TGIF1: variants seen among roughly 807,000 people sequenced by gnomAD.
TGIF1 encodes the protein homeobox protein TGIF1.
A neutral mutation model predicts 19.3 loss-of-function variants in TGIF1; 4 were observed. That is an observed-to-expected ratio of 0.21 (90% CI 0.10 to 0.47). The LOEUF (loss-of-function observed/expected upper bound fraction) is 0.47, where lower values mean the gene tolerates loss of function less well. Among genes scored for constraint, TGIF1 ranks in the 20% least tolerant of loss-of-function variants. The probability of loss-of-function intolerance (pLI) is 0.98; values close to 1 mark genes in which losing one functional copy is unlikely to be tolerated. For missense variants in TGIF1, 275 were observed against 341.4 expected (o/e 0.81, Z 1.53); for synonymous variants, 122 against 129.3 (o/e 0.94, Z 0.38).
chr18:3,423,929 G>A (rs1416417695), intron 2 of TGIF1, among the ~76,000 whole-genome samples: 2 of 152,102 alleles, frequency 1.3e-5, no homozygotes, highest in Non-Finnish European at 2.9e-5. Flanking sequence ...ATGTTGAGAG[G>A]TAGAGAGAAT....
chr18:3,441,180 T>C (rs145296969), intron 2 of TGIF1, among the ~76,000 whole-genome samples: 2 of 152,338 alleles, frequency 1.3e-5, no homozygotes, highest in East Asian at 3.9e-4. Context: ...CTTCATGAAT[T>C]AAGTCAATTG....
At chr18:3,430,755 T>C (rs368325460) in intron 2 of TGIF1, among the ~76,000 whole-genome samples, 27 of 151,160 alleles carry the variant, frequency 1.8e-4, no homozygotes, top group East Asian at 1.6e-3. Flanking sequence ...CAGCTTATCC[T>C]CCTGCCTCAG....
At position 3,450,380 on chromosome 18, in the gene TGIF1, C is replaced by G; in HGVS notation, c.-110C>G. On this transcript the variant is annotated 5_prime_UTR_variant, in exon 1 of 3. Coordinates refer to ENST00000343820, the MANE Select transcript of TGIF1 (RefSeq NM_003244.4). Reference sequence around the variant, plus strand: ...GCAATAACGGCTGGAGCACGTCCTACAAGTTACGGGAGAGTCGGCTGTGAA... The same window carrying G: ...GCAATAACGGCTGGAGCACGTCCTAGAAGTTACGGGAGAGTCGGCTGTGAA... 1 of 1,539,548 alleles carries G rather than the reference C, an allele frequency of 6.5e-7. No homozygotes were observed. Among genetic ancestry groups the G allele is most frequent in the Non-Finnish European group, 8.8e-7 (1 of 1,140,752 alleles).
Position 3,456,217 on chromosome 18 carries a change from A to G in TGIF1, c.17-137A>G. 1 of 896,186 alleles carries G rather than the reference A, an allele frequency of 1.1e-6. No homozygotes were observed. Among genetic ancestry groups the G allele is most frequent in the Non-Finnish European group, 1.9e-6 (1 of 535,948 alleles). 55.5% of individuals were successfully genotyped at this position (896,186 alleles called of 1,614,324 possible). ...CTTTTACTTGGACCCTGAATTCAGG[A>G]CAGAAAACACTGCTCCTTCTCCTCG... On this transcript the variant is annotated intron_variant, in intron 1 of 2. Coordinates refer to ENST00000343820, the MANE Select transcript of TGIF1 (RefSeq NM_003244.4). This position sits in a 1 kb window ranked among gnomAD's most constrained non-coding sequence, Gnocchi z 4.2.
intron 1 of TGIF1, among the ~76,000 whole-genome samples, chr18:3,416,137 A>G (rs946114556): frequency 6.6e-6 from 1 of 152,244 alleles, no homozygotes; most frequent in African/African-American, 2.4e-5. Context: ...TTGTACATGA[A>G]TCTTCTAGCC....
At chr18:3,447,597 C>G, upstream of TGIF1, 1 of 935,096 alleles carries the variant, frequency 1.1e-6, no homozygotes, top group Non-Finnish European at 1.7e-6. Context: ...AAACTCCAAA[C>G]AAGTTTGAGA....
chr18:3,428,180 G>C (rs1464751441), intron 2 of TGIF1, among the ~76,000 whole-genome samples: 4 of 152,188 alleles, frequency 2.6e-5, no homozygotes, highest in Non-Finnish European at 5.9e-5. Context: ...TGGGGGGAGG[G>C]AGAGACAGTT....
chr18:3,449,591 C>A, upstream of TGIF1: 2 of 984,276 alleles, frequency 2.0e-6, no homozygotes. Context: ...GAGGAAGAGC[C>A]CCGGGAGGAG....
At chr18:3,445,237 G>A (rs1361530331), upstream of TGIF1, among the ~76,000 whole-genome samples, 4 of 152,122 alleles carry the variant, frequency 2.6e-5, no homozygotes, top group African/African-American at 9.7e-5. Flanking sequence ...AACTGCCAGA[G>A]GATCAACAAG....
chr18:3,427,966 C>T (rs577929151), intron 2 of TGIF1, among the ~76,000 whole-genome samples: 12 of 152,336 alleles, frequency 7.9e-5, no homozygotes, highest in South Asian at 2.1e-4. Context: ...GTTCTCAAAA[C>T]GTGGTGGCCA....
rs1455955166 is a variant in TGIF1, at chr18:3,450,171, CACTCTG to C, written c.-316_-311del. ...CTGTACCTTCCCTCCTCGCCTCTCT[CACTCTG>C]ACAGCGCCGAGGTGCGCCGAGCAGG... On this transcript the variant is annotated 5_prime_UTR_variant, in exon 1 of 3. Coordinates refer to ENST00000343820, the MANE Select transcript of TGIF1 (RefSeq NM_003244.4). 3.8e-6 allele frequency: 5 copies of C among 1,307,620 alleles called. No homozygotes were observed. The highest frequency in any genetic ancestry group is 4.9e-6 in the Non-Finnish European group (5 of 1,023,638). The allele number at this position is 1,307,620 out of a possible 1,614,324, so 81.0% of individuals were successfully genotyped here.
chr18:3,450,200 A>C lies in TGIF1; in HGVS notation c.-290A>C. 2.9e-6 allele frequency: 4 copies of C among 1,366,704 alleles called. No individual in the cohort carries two copies. The highest frequency in any genetic ancestry group is 3.8e-6 in the Non-Finnish European group (4 of 1,059,522). The allele number at this position is 1,366,704 out of a possible 1,614,324, so 84.7% of individuals were successfully genotyped here. The stretch of plus-strand genomic sequence containing the variant: ...CTGACAGCGCCGAGGTGCGCCGAGC[A>C]GGAGCAGGGAACAAAGGAGCGGAGA... On this transcript the variant is annotated 5_prime_UTR_variant, in exon 1 of 3. Transcript: ENST00000343820.
rs554498743 is a variant in TGIF1, at chr18:3,417,870, A to G, written c.-117-273A>G. ...CCCTAGCACTTTGGGAGACCAAGGT[A>G]GGAAGATCCCTTGAGCCCAGGAGTT... On this transcript the variant is annotated intron_variant, in intron 1 of 3. Coordinates refer to the TGIF1 transcript ENST00000401449. Among the ~76,000 whole-genome samples the G allele has an allele frequency of 2.0e-5, 3 of 152,266 alleles. 1 individual carries two copies. The highest frequency in any genetic ancestry group is 7.2e-5 in the African/African-American group (3 of 41,562).
At chr18:3,449,837 T>TG, upstream of TGIF1, 1 of 985,438 alleles carries the variant, frequency 1.0e-6, no homozygotes, top group Non-Finnish European at 1.2e-6. Context: ...TTCCATCTGT[T>TG]GCAGTTTCCG....
rs145607180 is a variant in TGIF1, at chr18:3,452,915, C to T, written c.16+2410C>T. 2.7e-3 allele frequency among the ~76,000 whole-genome samples: 418 copies of T among 152,274 alleles called. 2 individuals are homozygous for T. The highest frequency in any genetic ancestry group is 5.2e-3 in the Non-Finnish European group (351 of 68,018). ...AAAGCTGAGAGTGACGCCAAAAGAT[C>T]TCCTAAAATGACTTAAAAACAATGA... On this transcript the variant is annotated intron_variant, in intron 1 of 2. Coordinates refer to ENST00000343820, the MANE Select transcript of TGIF1 (RefSeq NM_003244.4).
chr18:3,450,360 A>C lies in TGIF1; in HGVS notation c.-130A>C. ...GGATCAGAGCGTCCTGTTTAGCAATAACGGCTGGAGCACGTCCTACAAGTT... is the reference window on the plus strand; with the variant it reads ...GGATCAGAGCGTCCTGTTTAGCAATCACGGCTGGAGCACGTCCTACAAGTT... On this transcript the variant is annotated 5_prime_UTR_variant, in exon 1 of 3. Transcript: ENST00000343820. 6.6e-7 allele frequency: 1 copy of C among 1,513,912 alleles called. No individual in the cohort carries two copies. Among genetic ancestry groups the C allele is most frequent in the African/African-American group, 1.4e-5 (1 of 71,978 alleles). 93.8% of individuals were successfully genotyped at this position (1,513,912 alleles called of 1,614,324 possible). A position where few individuals can be genotyped will look rare whatever the true frequency, so the allele number is the denominator to read the frequency against.
chr18:3,448,842 C>T (rs1040521118), upstream of TGIF1, among the ~76,000 whole-genome samples: 3 of 150,978 alleles, frequency 2.0e-5, no homozygotes, highest in Non-Finnish European at 4.4e-5. Context: ...ATCTTATTTC[C>T]ACAGAGTTTC....
intron 2 of TGIF1, among the ~76,000 whole-genome samples, chr18:3,438,755 A>C (rs1288147937): frequency 1.3e-5 from 2 of 152,220 alleles, no homozygotes; most frequent in East Asian, 3.8e-4. Context: ...TGAACCAAAA[A>C]AAATCAAGGC....
chr18:3,449,648 C>G (rs1294064656), upstream of TGIF1: 2 of 983,786 alleles, frequency 2.0e-6, no homozygotes, highest in African/African-American at 3.5e-5. Flanking sequence ...GCCGCGCATT[C>G]TGGAAGAAGT....
Sources: allele counts gnomAD v4.1 joint callset (sites outside exome capture counted in the v4.1 genomes callset), GRCh38; gene constraint gnomAD v4.1.1; non-coding constraint Gnocchi (gnomAD v3.1); transcripts MANE v1.5; gene names NCBI Gene and HGNC (gene_info 2026-07-23, HGNC 2026-07-21).